SENP7: variants seen among roughly 807,000 people sequenced by gnomAD.
The protein encoded by SENP7 is SUMO specific peptidase 7.
In SENP7, 64 loss-of-function variants were observed where a neutral mutation model predicts 141.2. The ratio of observed to expected loss-of-function variants is 0.45; its 90% CI spans 0.37 to 0.56. The LOEUF is 0.56. Ranked by LOEUF, SENP7 falls within the 20% of genes least tolerant of loss-of-function variation. SENP7 has a pLI of 0.00. For synonymous variants in SENP7, 382 were observed against 426.4 expected (o/e 0.90, Z 1.28); for missense variants, 1,025 against 1,212.2 (o/e 0.85, Z 2.29).
intron 13 of SENP7, 62 bp from the exon 14 acceptor site, chr3:101,344,016 G>C: frequency 1.9e-6 from 2 of 1,076,502 alleles, no homozygotes. Context: ...TATAATACAA[G>C]TAATTTAATT....
chr3:101,369,070 A>G (rs898389488), intron 7 of SENP7, among the ~76,000 whole-genome samples: 1 of 152,212 alleles, frequency 6.6e-6, no homozygotes, highest in Non-Finnish European at 1.5e-5. Context: ...TTTTAAGTCA[A>G]CAAGACATCA....
At chr3:101,494,713 T>C (rs1187001890) in intron 2 of SENP7, among the ~76,000 whole-genome samples, 3 of 152,150 alleles carry the variant, frequency 2.0e-5, no homozygotes, top group Non-Finnish European at 4.4e-5. Context: ...CTCTATTTAA[T>C]AAATGGTGCT....
At chr3:101,428,821 T>C (rs2062053383) in intron 4 of SENP7, among the ~76,000 whole-genome samples, 3 of 152,268 alleles carry the variant, frequency 2.0e-5, no homozygotes, top group African/African-American at 7.2e-5. Flanking sequence ...TTTTTATGGT[T>C]TTAGGTCTTA....
chr3:101,363,247 A>G (rs2059947702), intron 10 of SENP7: 1 of 316,634 alleles, frequency 3.2e-6, no homozygotes, highest in Non-Finnish European at 4.6e-6. Flanking sequence ...AGGTAGCTCC[A>G]ACATCAGTCA....
At chr3:101,418,158 T>C (rs71315236) in intron 4 of SENP7, among the ~76,000 whole-genome samples, 2 of 152,200 alleles carry the variant, frequency 1.3e-5, no homozygotes, top group Non-Finnish European at 2.9e-5. Flanking sequence ...TGTGTTTTTG[T>C]TTTAGCATTT....
intron 3 of SENP7, among the ~76,000 whole-genome samples, chr3:101,462,866 TAA>T (rs776250326): frequency 1.4e-5 from 2 of 142,288 alleles, no homozygotes; most frequent in African/African-American, 2.6e-5. Context: ...AGACTCTGTC[TAA>T]AAAAAAAAAG....
chr3:101,446,465 AT>A (rs1342224989), intron 4 of SENP7, among the ~76,000 whole-genome samples: 1 of 152,180 alleles, frequency 6.6e-6, no homozygotes, highest in East Asian at 1.9e-4. Flanking sequence ...CAGAATACAC[AT>A]TTTTTTCACC....
intron 3 of SENP7, among the ~76,000 whole-genome samples, chr3:101,482,436 T>C (rs1385328584): frequency 6.6e-6 from 1 of 151,362 alleles, no homozygotes; most frequent in Non-Finnish European, 1.5e-5. Context: ...CACAGAAAAA[T>C]ATTCCATGTT....
Position 101,459,055 on chromosome 3 carries a change from AG to A in SENP7, c.187-4del. 1.3e-6 allele frequency: 2 copies of A among 1,519,700 alleles called. No homozygotes were observed. Among genetic ancestry groups the A allele is most frequent in the East Asian group, 2.3e-5 (1 of 44,268 alleles). The allele number at this position is 1,519,700 out of a possible 1,614,324, so 94.1% of individuals were successfully genotyped here. ...TTATTCCTTAGGCTTCTTTCCCACT[AG>A]GAAAAAAAAAATGAAATTTTAATAA... is the stretch of plus-strand genomic sequence containing the variant. On this transcript the variant is annotated splice_region_variant and splice_polypyrimidine_tract_variant and intron_variant, in intron 3 of 23. Coordinates refer to ENST00000394095, the MANE Select transcript of SENP7 (RefSeq NM_020654.5).
chr3:101,399,162 G>T, intron 5 of SENP7, 107 bp from the exon 6 acceptor site: 1 of 656,156 alleles, frequency 1.5e-6, no homozygotes, highest in Non-Finnish European at 2.4e-6. Context: ...GCACAAGAAA[G>T]CTGTTCGAAC....
Position 101,458,936 on chromosome 3 carries a change from G to A in SENP7, c.284+19C>T, listed in dbSNP as rs111923865. ...TTATAGGTTAAGCCCATACTATGTC[G>A]CACACACACATATCTTACCTTTCTG... On this transcript the variant is annotated intron_variant, in intron 4 of 23. Coordinates refer to ENST00000394095, the MANE Select transcript of SENP7 (RefSeq NM_020654.5). 3,007 of 1,433,590 alleles carry A rather than the reference G, an allele frequency of 2.1e-3. 31 individuals carry two copies. The highest frequency in any genetic ancestry group is 0.017 in the Middle Eastern group (94 of 5,536). 88.8% of individuals were successfully genotyped at this position (1,433,590 alleles called of 1,614,324 possible). A position where few individuals can be genotyped will look rare whatever the true frequency, so the allele number is the denominator to read the frequency against.
intron 8 of SENP7, among the ~76,000 whole-genome samples, 160 bp downstream of exon 8, chr3:101,367,670 T>C (rs908253025): frequency 6.6e-6 from 1 of 152,140 alleles, no homozygotes; most frequent in African/African-American, 2.4e-5. Context: ...AAAAGTTACA[T>C]TTAGAATTGT....
chr3:101,502,354 G>A (rs1300938679), intron 1 of SENP7, among the ~76,000 whole-genome samples: 2 of 152,216 alleles, frequency 1.3e-5, no homozygotes, highest in Non-Finnish European at 2.9e-5. Context: ...CCAGGCTGGA[G>A]TGCAATGGCA....
chr3:101,498,409 A>ATAG (rs2065242971), intron 2 of SENP7, among the ~76,000 whole-genome samples: 1 of 152,180 alleles, frequency 6.6e-6, no homozygotes, highest in Non-Finnish European at 1.5e-5. Context: ...TAATGCACTA[A>ATAG]GAAGGTCATC....
intron 6 of SENP7, among the ~76,000 whole-genome samples, chr3:101,385,585 T>C (rs1005764701): frequency 1.3e-5 from 2 of 152,182 alleles, no homozygotes; most frequent in Non-Finnish European, 2.9e-5. Flanking sequence ...AGAATACATC[T>C]TGTGACCCTC....
chr3:101,407,125 A>G (rs1184496647), intron 5 of SENP7, among the ~76,000 whole-genome samples: 1 of 152,214 alleles, frequency 6.6e-6, no homozygotes, highest in African/African-American at 2.4e-5. Flanking sequence ...TTAAAACATA[A>G]ATCTCACAGG....
intron 1 of SENP7, among the ~76,000 whole-genome samples, chr3:101,511,306 G>GT (rs1193357706): frequency 1.3e-5 from 2 of 152,154 alleles, no homozygotes; most frequent in African/African-American, 4.8e-5. Flanking sequence ...AAAAAGGAAC[G>GT]TGACTTGTTG....
At chr3:101,461,593 G>GAA (rs377324148) in intron 3 of SENP7, among the ~76,000 whole-genome samples, 1 of 142,064 alleles carries the variant, frequency 7.0e-6, no homozygotes, top group African/African-American at 2.6e-5. Flanking sequence ...GGTACCGTAA[G>GAA]AAAAAAAAAA....
At chr3:101,469,485 T>C (rs2063893167) in intron 3 of SENP7, among the ~76,000 whole-genome samples, 1 of 150,004 alleles carries the variant, frequency 6.7e-6, no homozygotes, top group South Asian at 2.1e-4. Context: ...TATTCTAAAA[T>C]TGACCACATA....
Sources: allele counts gnomAD v4.1 joint callset (sites outside exome capture counted in the v4.1 genomes callset), GRCh38; gene constraint gnomAD v4.1.1; transcripts MANE v1.5; gene names NCBI Gene and HGNC (gene_info 2026-07-23, HGNC 2026-07-21).